EIF2S1: variants seen among roughly 807,000 people sequenced by gnomAD.
The protein encoded by EIF2S1 is eukaryotic translation initiation factor 2 subunit alpha.
In EIF2S1, 5 loss-of-function variants were observed where a neutral mutation model predicts 33.5. The ratio of observed to expected loss-of-function variants is 0.15; its 90% confidence interval spans 0.08 to 0.31. EIF2S1 has a LOEUF of 0.31. EIF2S1 is among the 10% of genes least tolerant of loss of function. The pLI, the probability that EIF2S1 is intolerant of heterozygous loss-of-function variation, is 1.00. For synonymous variants in EIF2S1, 99 were observed against 127.5 expected (o/e 0.78, Z 1.51); for missense variants, 191 against 384.6 (o/e 0.50, Z 4.21).
chr14:67,361,233 G>T (rs1431334640), intron 1 of EIF2S1, among the ~76,000 whole-genome samples: 1 of 152,114 alleles, frequency 6.6e-6, no homozygotes, highest in Non-Finnish European at 1.5e-5. Context: ...AAAAAACATG[G>T]TTTCTTCGAG....
chr14:67,382,664 C>G (rs1233506596), intron 7 of EIF2S1, 74 bp downstream of exon 7: 1 of 1,544,652 alleles, frequency 6.5e-7, no homozygotes, highest in East Asian at 2.2e-5. Context: ...TAAATAAGAG[C>G]TGTCGGCCTT....
At chr14:67,380,170 G>A (rs916961260) in intron 4 of EIF2S1, among the ~76,000 whole-genome samples, 1 of 152,176 alleles carries the variant, frequency 6.6e-6, no homozygotes, top group African/African-American at 2.4e-5. Flanking sequence ...AAACATGCCA[G>A]TTAATAAGAC....
chr14:67,372,999 G>A (rs1034158537), intron 2 of EIF2S1, among the ~76,000 whole-genome samples: 3 of 152,160 alleles, frequency 2.0e-5, no homozygotes, highest in African/African-American at 7.2e-5. Flanking sequence ...AAAAACCACA[G>A]TGAGATGCCA....
chr14:67,364,707 A>AT (rs929070142), intron 1 of EIF2S1, 60 bp from the exon 2 acceptor site: 2,284 of 1,344,754 alleles, frequency 1.7e-3, no homozygotes, highest in East Asian at 2.3e-3. Context: ...GTGGAAATTG[A>AT]TTTTTTTTTT....
intron 2 of EIF2S1, among the ~76,000 whole-genome samples, chr14:67,373,342 GA>G (rs1478605613): frequency 2.6e-5 from 4 of 152,110 alleles, no homozygotes; most frequent in Non-Finnish European, 5.9e-5. Context: ...AATTTTTAAT[GA>G]AAAAGAATGC....
chr14:67,362,664 CAAATA>C (rs1446581131), intron 1 of EIF2S1, among the ~76,000 whole-genome samples: 1 of 151,696 alleles, frequency 6.6e-6, no homozygotes, highest in Non-Finnish European at 1.5e-5. Context: ...TCTTGAGGAC[CAAATA>C]AAATAAGAAT....
chr14:67,372,949 A>G (rs2085833288), intron 2 of EIF2S1, among the ~76,000 whole-genome samples: 1 of 152,250 alleles, frequency 6.6e-6, no homozygotes, highest in Non-Finnish European at 1.5e-5. Flanking sequence ...ATGCACATGA[A>G]AAGATGTTGA....
intron 4 of EIF2S1, among the ~76,000 whole-genome samples, chr14:67,379,377 G>A (rs961153157): frequency 8.5e-5 from 13 of 152,238 alleles, no homozygotes; most frequent in Admixed American, 2.0e-4. Flanking sequence ...GCATACTCCT[G>A]ATTGTTGGAG....
At chr14:67,365,668 G>A (rs371197338) in intron 2 of EIF2S1, among the ~76,000 whole-genome samples, 9 of 152,166 alleles carry the variant, frequency 5.9e-5, no homozygotes, top group East Asian at 5.8e-4. Context: ...ATACCATTAC[G>A]TAGGTTTTAG....
At chr14:67,373,353 C>G (rs753069336) in intron 2 of EIF2S1, among the ~76,000 whole-genome samples, 2 of 152,010 alleles carry the variant, frequency 1.3e-5, no homozygotes, top group Non-Finnish European at 2.9e-5. Context: ...AAAAAGAATG[C>G]TCAGAATCTG....
chr14:67,372,144 A>T (rs1400782970), intron 2 of EIF2S1, among the ~76,000 whole-genome samples: 1 of 152,214 alleles, frequency 6.6e-6, no homozygotes, highest in East Asian at 1.9e-4. Context: ...AAATTAAAAA[A>T]TTTATGTGTG....
intron 5 of EIF2S1, among the ~76,000 whole-genome samples, chr14:67,381,083 G>A (rs1175497248): frequency 2.0e-5 from 3 of 152,046 alleles, no homozygotes; most frequent in East Asian, 1.9e-4. Flanking sequence ...CATACCATGC[G>A]GAATTTTCTC....
At position 67,385,771 on chromosome 14, in the gene EIF2S1, C is replaced by G. The variant is rs1341734987; in HGVS notation, c.*2331C>G. The G allele has an allele frequency of 6.6e-6, 1 of 150,822 alleles. No homozygotes were observed. The highest frequency in any genetic ancestry group is 1.5e-5 in the Non-Finnish European group (1 of 67,868). The allele number at this position is 150,822 out of a possible 1,614,324, so 9.3% of individuals were successfully genotyped here. ...CTCTGTAAGAGTGTGAGCCACCATGCCCCACCCAAACCATTTTTCATATCA... is the reference window on the plus strand; with the variant it reads ...CTCTGTAAGAGTGTGAGCCACCATGGCCCACCCAAACCATTTTTCATATCA... On this transcript the variant is annotated 3_prime_UTR_variant, in exon 8 of 8. Transcript: ENST00000256383.
chr14:67,386,143 C>T lies in EIF2S1; in HGVS notation c.*2703C>T, dbSNP rs1329922835. 1.3e-5 allele frequency: 2 copies of T among 152,488 alleles called. No homozygotes were observed. The highest frequency in any genetic ancestry group is 4.8e-5 in the African/African-American group (2 of 41,412). 9.4% of individuals were successfully genotyped at this position (152,488 alleles called of 1,614,324 possible). A position where few individuals can be genotyped will look rare whatever the true frequency, so the allele number is the denominator to read the frequency against. ...AACGTAGTTTAATTCAGATGAACAC[C>T]TATCGATATTCAAAAGGCAAAACAA... On this transcript the variant is annotated 3_prime_UTR_variant, in exon 8 of 8. Transcript: ENST00000256383.
rs150270187 is a variant in EIF2S1, at chr14:67,383,386, C to A, written c.894C>A (p.Ala298=). ...TGGAGAGGCTTGAAAGAGAAAATGC[C>A]GAAGTGGATGGAGATGATGATGCAG... ...RQMERLEREN[A]EVDGDDDAEE... is the part of the protein sequence containing the mutation. The change falls in exon 8 of 8, where the codon GCC becomes GCA. Residue 298 remains alanine (A), a synonymous_variant. Coordinates refer to ENST00000256383, the MANE Select transcript of EIF2S1 (RefSeq NM_004094.5). The A allele has an allele frequency of 1.2e-6, 2 of 1,613,542 alleles. No homozygotes were observed. Among genetic ancestry groups the A allele is most frequent in the Non-Finnish European group, 1.7e-6 (2 of 1,179,696 alleles).
intron 5 of EIF2S1, among the ~76,000 whole-genome samples, chr14:67,381,108 C>T (rs970188011): frequency 7.2e-5 from 11 of 152,122 alleles, no homozygotes; most frequent in Admixed American, 6.5e-4. Context: ...TAGCCTTTTC[C>T]ACCCAGTGTA....
intron 3 of EIF2S1, among the ~76,000 whole-genome samples, chr14:67,375,044 G>A (rs1355474317): frequency 1.3e-5 from 2 of 152,070 alleles, no homozygotes; most frequent in African/African-American, 4.8e-5. Flanking sequence ...TACTAGTTTT[G>A]GTTTTTTTCC....
intron 2 of EIF2S1, among the ~76,000 whole-genome samples, chr14:67,372,503 A>G (rs1354145156): frequency 6.6e-6 from 1 of 152,204 alleles, no homozygotes; most frequent in Non-Finnish European, 1.5e-5. Context: ...AAGACAAACC[A>G]GCATATTTTA....
Position 67,376,516 on chromosome 14 carries a change from G to A in EIF2S1, c.399G>A (p.Arg133=), listed in dbSNP as rs1044943457. ...KDEQLESLFQ[R]TAWVFDDKYK... is the part of the protein sequence containing the mutation. ...AGCAGCTGGAAAGCCTATTCCAGAG[G>A]ACTGCCTGGGTCTTTGATGACAAGT... Residue 133 remains arginine, a synonymous_variant, in exon 4 of 8, where the codon AGG becomes AGA. Transcript: ENST00000256383. The A allele has an allele frequency of 1.2e-6, 2 of 1,613,970 alleles. No individual in the cohort carries two copies. Among genetic ancestry groups the A allele is most frequent in the African/African-American group, 2.7e-5 (2 of 74,910 alleles).
Sources: gnomAD v4.1 joint callset for allele counts (sites outside exome capture counted in the v4.1 genomes callset) on GRCh38, gnomAD v4.1.1 for gene constraint, MANE v1.5 for transcripts, NCBI Gene and HGNC (gene_info 2026-07-23, HGNC 2026-07-21) for gene names.